Variants in ZSCAN25 observed in about 807,000 individuals in gnomAD.
The protein encoded by ZSCAN25 is zinc finger and SCAN domain-containing protein 25.
ZSCAN25 carries 27 observed loss-of-function variants against 38.7 expected under a neutral mutation model. The ratio of observed to expected loss-of-function variants is 0.70; its 90% CI spans 0.51 to 0.96. ZSCAN25 has a LOEUF of 0.96. Ranked by LOEUF, ZSCAN25 falls within the 40% of genes least tolerant of loss-of-function variation. The pLI is 0.00. For synonymous variants in ZSCAN25, 273 were observed against 277.7 expected (o/e 0.98, Z 0.17); for missense variants, 637 against 705.9 (o/e 0.90, Z 1.11).
chr7:99,663,687 T>C, the ZSCAN25 span: 1 of 1,042,324 alleles, frequency 9.6e-7, no homozygotes, highest in Non-Finnish European at 1.2e-6. Context: ...CTTTGACAAT[T>C]TATTAAAGGG....
the ZSCAN25 span, chr7:99,731,064 G>A: frequency 1.9e-6 from 3 of 1,613,712 alleles, no homozygotes; most frequent in East Asian, 2.2e-5. Context: ...CTCACCTTAC[G>A]GAAGGACAAA....
At chr7:99,660,388 T>C in the ZSCAN25 span, 2 of 1,478,420 alleles carry the variant, frequency 1.4e-6, no homozygotes, top group South Asian at 1.4e-5. Flanking sequence ...ATTATGTCAG[T>C]GAAGGAATCA....
chr7:99,662,241 C>A, the ZSCAN25 span, among the ~76,000 whole-genome samples: 2 of 152,196 alleles, frequency 1.3e-5, no homozygotes, highest in Non-Finnish European at 2.9e-5. The surrounding 1 kb of genome is among the most constrained non-coding windows in gnomAD (Gnocchi z 4.3). Flanking sequence ...CCATGGTTAT[C>A]ATTTTGCCAC....
the ZSCAN25 span, among the ~76,000 whole-genome samples, chr7:99,641,727 T>C: frequency 6.6e-6 from 1 of 152,116 alleles, no homozygotes; most frequent in African/African-American, 2.4e-5. Context: ...GTCACTCTCT[T>C]ATACCCTACA....
chr7:99,737,568 A>G, the ZSCAN25 span, among the ~76,000 whole-genome samples: 4 of 152,162 alleles, frequency 2.6e-5, no homozygotes, highest in African/African-American at 9.7e-5. Flanking sequence ...TCTGATAACT[A>G]TCAACAACTT....
At chr7:99,693,894 T>C in the ZSCAN25 span, among the ~76,000 whole-genome samples, 4 of 152,202 alleles carry the variant, frequency 2.6e-5, no homozygotes, top group African/African-American at 9.7e-5. Context: ...CTGCGTCTAA[T>C]TGGGGCTGAA....
At chr7:99,718,634 C>A in the ZSCAN25 span, among the ~76,000 whole-genome samples, 3 of 151,908 alleles carry the variant, frequency 2.0e-5, no homozygotes, top group Non-Finnish European at 2.9e-5. Flanking sequence ...AGGAACAATT[C>A]AAAAATTCAA....
At chr7:99,690,394 T>G in the ZSCAN25 span, among the ~76,000 whole-genome samples, 3 of 152,300 alleles carry the variant, frequency 2.0e-5, no homozygotes, top group South Asian at 4.1e-4. Flanking sequence ...GGGCAAGGAC[T>G]TCATGTCTAA....
the ZSCAN25 span, among the ~76,000 whole-genome samples, chr7:99,644,750 C>T: frequency 6.6e-5 from 10 of 152,278 alleles, no homozygotes; most frequent in South Asian, 1.9e-3. Context: ...GTTCTTCACT[C>T]ACAGAAAAGC....
chr7:99,674,373 C>T, the ZSCAN25 span: 1 of 527,266 alleles, frequency 1.9e-6, no homozygotes, highest in Admixed American at 3.7e-5. Context: ...CAATATTCTA[C>T]TCCCAAGTAA....
At chr7:99,697,465 T>C in the ZSCAN25 span, among the ~76,000 whole-genome samples, 1 of 152,168 alleles carries the variant, frequency 6.6e-6, no homozygotes, top group South Asian at 2.1e-4. Flanking sequence ...CTGAAAAGTA[T>C]GGTGTATATA....
chr7:99,723,108 G>C, the ZSCAN25 span, among the ~76,000 whole-genome samples: 1 of 152,094 alleles, frequency 6.6e-6, no homozygotes, highest in Non-Finnish European at 1.5e-5. Flanking sequence ...GTGTATCTTG[G>C]GGGTACATCT....
the ZSCAN25 span, among the ~76,000 whole-genome samples, chr7:99,690,996 A>G: frequency 1.3e-4 from 20 of 152,354 alleles, no homozygotes; most frequent in African/African-American, 4.6e-4. Flanking sequence ...ATGCACACTT[A>G]TGTTTATTGT....
rs1391955785 is a variant in ZSCAN25 at position 99,631,696 on chromosome 7, G to GA, written c.*1679dup. 1.0e-6 allele frequency: 1 copy of GA among 985,036 alleles called. No individual in the cohort carries two copies. Among genetic ancestry groups the GA allele is most frequent in the Non-Finnish European group, 1.2e-6 (1 of 829,920 alleles). The allele number at this position is 985,036 out of a possible 1,614,324, so 61.0% of individuals were successfully genotyped here. ...AAAGCTGTATTACTCAGCCCACTTT[G>GA]AAACGTGGTTTTATCACCTGTTCTT... is the stretch of plus-strand genomic sequence containing the variant. On this transcript the variant is annotated 3_prime_UTR_variant, in exon 8 of 8. Transcript: ENST00000394152.
At chr7:99,627,738 G>A (rs542179033) in intron 7 of ZSCAN25, among the ~76,000 whole-genome samples, 1 of 148,214 alleles carries the variant, frequency 6.7e-6, no homozygotes, top group East Asian at 2.0e-4. Flanking sequence ...CGTATATGCT[G>A]TATACGTATA....
chr7:99,637,794 A>G, the ZSCAN25 span, among the ~76,000 whole-genome samples: 1 of 152,234 alleles, frequency 6.6e-6, no homozygotes, highest in South Asian at 2.1e-4. Context: ...AATAATTTTC[A>G]GTTTACTAGA....
the ZSCAN25 span, among the ~76,000 whole-genome samples, chr7:99,725,845 G>A: frequency 6.6e-6 from 1 of 152,090 alleles, no homozygotes; most frequent in Non-Finnish European, 1.5e-5. Context: ...TAATCGATAG[G>A]GGGGATACCC....
the ZSCAN25 span, among the ~76,000 whole-genome samples, chr7:99,667,594 T>C: frequency 6.6e-6 from 1 of 152,224 alleles, no homozygotes; most frequent in Non-Finnish European, 1.5e-5. Flanking sequence ...CCTTGAAAAT[T>C]CTTTTCTCTT....
At chr7:99,633,041 A>G (rs567551545), downstream of ZSCAN25, among the ~76,000 whole-genome samples, 34 of 144,130 alleles carry the variant, frequency 2.4e-4, no homozygotes, top group Non-Finnish European at 4.5e-4. Flanking sequence ...GCTGGAGTGC[A>G]GTGGCACAGT....
Sources: allele counts gnomAD v4.1 joint callset (sites outside exome capture counted in the v4.1 genomes callset), GRCh38; gene constraint gnomAD v4.1.1; non-coding constraint Gnocchi (gnomAD v3.1); transcripts MANE v1.5; gene names NCBI Gene and HGNC (gene_info 2026-07-23, HGNC 2026-07-21).